CEP95: variants seen among roughly 807,000 people sequenced by gnomAD.
CEP95 encodes the protein centrosomal protein 95.
A neutral mutation model predicts 111.2 loss-of-function variants in CEP95; 98 were observed. The ratio of observed to expected loss-of-function variants is 0.88; its 90% CI spans 0.75 to 1.04. The LOEUF is 1.04. CEP95 is among the 50% of genes least tolerant of loss of function. CEP95 has a pLI of 0.00. For missense variants in CEP95, 1,027 were observed against 977.2 expected (o/e 1.05, Z -0.68); for synonymous variants, 323 against 327.1 (o/e 0.99, Z 0.14).
chr17:64,517,970 G>A (rs1040968665), intron 5 of CEP95, among the ~76,000 whole-genome samples: 1 of 151,882 alleles, frequency 6.6e-6, no homozygotes, highest in Admixed American at 6.6e-5. Context: ...TCTGCCTCCC[G>A]GTTTCGAGTG....
At chr17:64,509,326 C>T (rs1432742846) in intron 2 of CEP95, among the ~76,000 whole-genome samples, 2 of 152,230 alleles carry the variant, frequency 1.3e-5, no homozygotes, top group African/African-American at 4.8e-5. Context: ...GCCACCACGT[C>T]CAGCCTGTGC....
chr17:64,523,775 C>G (rs1967567300), intron 8 of CEP95, among the ~76,000 whole-genome samples: 1 of 151,992 alleles, frequency 6.6e-6, no homozygotes, highest in South Asian at 2.1e-4. Context: ...TGGTGCATGC[C>G]TGTGATCTTA....
intron 1 of CEP95, chr17:64,507,409 C>CT: frequency 7.3e-7 from 1 of 1,371,236 alleles, no homozygotes; most frequent in Non-Finnish European, 9.4e-7. Context: ...CCGGACTTGT[C>CT]TTTCTGTGGG....
chr17:64,530,217 C>G (rs1265270806), intron 12 of CEP95, among the ~76,000 whole-genome samples: 1 of 152,082 alleles, frequency 6.6e-6, no homozygotes, highest in African/African-American at 2.4e-5. Context: ...GAAACCCCAT[C>G]TCTACTAAAA....
At chr17:64,507,537 AAT>A (rs1223302377) in intron 1 of CEP95, 84 of 1,090,252 alleles carry the variant, frequency 7.7e-5, no homozygotes, top group Non-Finnish European at 9.0e-5. Context: ...GCCCCTGCAG[AAT>A]AGTAGAATAT....
At chr17:64,513,784 A>T (rs1555675678) in intron 3 of CEP95, among the ~76,000 whole-genome samples, 6 of 151,974 alleles carry the variant, frequency 3.9e-5, no homozygotes. Context: ...TGTTGTTTTG[A>T]TGTTACTCTG....
intron 19 of CEP95, 66 bp downstream of exon 19, chr17:64,537,178 G>A (rs1177422495): frequency 1.8e-5 from 29 of 1,573,002 alleles, no homozygotes; most frequent in Admixed American, 3.7e-5. Context: ...AAGGGACCTC[G>A]TACATTGGTG....
At chr17:64,519,573 C>A in intron 6 of CEP95, 137 bp downstream of exon 6, 1 of 627,724 alleles carries the variant, frequency 1.6e-6, no homozygotes, top group Non-Finnish European at 2.8e-6. Context: ...GAATATCCCA[C>A]TACCCATTAA....
upstream of CEP95, chr17:64,506,973 C>T (rs922016768): frequency 5.7e-6 from 6 of 1,059,158 alleles, no homozygotes; most frequent in Admixed American, 9.9e-5. Context: ...TTCTTTCACG[C>T]CTCCTTCCCC....
chr17:64,511,270 C>T (rs949031229), intron 3 of CEP95, among the ~76,000 whole-genome samples: 43 of 152,036 alleles, frequency 2.8e-4, no homozygotes, highest in Non-Finnish European at 4.9e-4. Flanking sequence ...ATTTATTAGG[C>T]GGGAATTTCT....
At chr17:64,536,456 G>T in intron 17 of CEP95, 146 bp from the exon 18 acceptor site, 1 of 549,486 alleles carries the variant, frequency 1.8e-6, no homozygotes. Context: ...CTCAGAAAAA[G>T]GAGGTACATT....
chr17:64,537,306 G>T, intron 19 of CEP95, 194 bp downstream of exon 19: 1 of 1,396,852 alleles, frequency 7.2e-7, no homozygotes, highest in South Asian at 1.7e-5. Flanking sequence ...TGCATTTCTT[G>T]GAACATATCT....
At chr17:64,512,761 G>T (rs2038961786) in intron 3 of CEP95, among the ~76,000 whole-genome samples, 1 of 152,080 alleles carries the variant, frequency 6.6e-6, no homozygotes, top group African/African-American at 2.4e-5. Flanking sequence ...TGAGTGAATG[G>T]GTAAATCAGT....
At chr17:64,507,237 G>A in intron 1 of CEP95, 121 bp downstream of exon 1, 1 of 1,522,514 alleles carries the variant, frequency 6.6e-7, no homozygotes, top group Non-Finnish European at 8.8e-7. Flanking sequence ...CAGACGCCGC[G>A]TCGCGCTGGC....
At position 64,527,147 on chromosome 17, in the gene CEP95, A is replaced by G. The variant is rs2144490888; in HGVS notation, c.1189A>G (p.Lys397Glu). ...KSALGDRIKEKTDHKEENTGN... is the reference protein window; with the variant it reads ...KSALGDRIKEETDHKEENTGN... ...TGCTCTGGGTGATCGGATTAAAGAA[A>G]AGACTGACCATAAAGAAGAAAATAC... Residue 397 changes from lysine (K) to glutamate (E), a missense_variant, in exon 11 of 20, where the codon AAG becomes GAG. Physicochemically the swap from Lys to Glu is moderately conservative, Grantham distance 56. Transcript: ENST00000556440. 6.2e-7 allele frequency: 1 copy of G among 1,613,526 alleles called. No homozygotes were observed. The highest frequency in any genetic ancestry group is 1.3e-5 in the African/African-American group (1 of 74,990).
intron 4 of CEP95, among the ~76,000 whole-genome samples, chr17:64,516,290 A>G (rs1164006131): frequency 6.6e-6 from 1 of 152,168 alleles, no homozygotes; most frequent in East Asian, 1.9e-4. Flanking sequence ...GGGGTGGAAA[A>G]AGACTGATGG....
At position 64,519,316 on chromosome 17, in the gene CEP95, T is replaced by G. The variant is rs1469123223; in HGVS notation, c.474-5T>G. On this transcript the variant is annotated splice_region_variant and splice_polypyrimidine_tract_variant and intron_variant, in intron 5 of 19. Transcript: ENST00000556440. ...GGCCCTGAGTGAAGGAGGGAACTTT[T>G]CCAGGTGCTCCTTGTCTTCTGAGAT... 6.2e-7 allele frequency: 1 copy of G among 1,611,748 alleles called. No individual in the cohort carries two copies. Among genetic ancestry groups the G allele is most frequent in the Non-Finnish European group, 8.5e-7 (1 of 1,178,026 alleles).
chr17:64,532,836 C>T lies in CEP95; in HGVS notation c.1673-3C>T, dbSNP rs923355943. ...ATTAAGAACATCTTATTTTACCTTG[C>T]AGTGAAAGTAAGTGAACACAGTCTC... On this transcript the variant is annotated splice_region_variant and splice_polypyrimidine_tract_variant and intron_variant, in intron 14 of 19. Transcript: ENST00000556440. 2 of 1,605,130 alleles carry T rather than the reference C, an allele frequency of 1.2e-6. No homozygotes were observed. Among genetic ancestry groups the T allele is most frequent in the African/African-American group, 2.7e-5 (2 of 74,292 alleles).
intron 12 of CEP95, among the ~76,000 whole-genome samples, chr17:64,529,630 C>G (rs189084031): frequency 1.2e-4 from 18 of 152,192 alleles, no homozygotes; most frequent in African/African-American, 3.6e-4. Context: ...AAAAAATAAC[C>G]TGGCTGGACA....
Sources: allele counts gnomAD v4.1 joint callset (sites outside exome capture counted in the v4.1 genomes callset), GRCh38; gene constraint gnomAD v4.1.1; transcripts MANE v1.5; gene names NCBI Gene and HGNC (gene_info 2026-07-23, HGNC 2026-07-21).